KDR: variants seen among roughly 807,000 people sequenced by gnomAD.
KDR encodes vascular endothelial growth factor receptor 2.
A neutral mutation model predicts 160.9 loss-of-function variants in KDR; 43 were observed. That is an observed-to-expected ratio of 0.27 (90% CI 0.21 to 0.34). The LOEUF (loss-of-function observed/expected upper bound fraction) is 0.34. Ranked by LOEUF, KDR falls within the 10% of genes least tolerant of loss-of-function variation. KDR has a pLI of 1.00. For synonymous variants in KDR, 617 were observed against 600.1 expected, an observed-to-expected ratio of 1.03 and a Z score of -0.41; for missense variants, 1,469 against 1,666.4, an observed-to-expected ratio of 0.88 and a Z score of 2.06.
At chr4:55,097,550 C>T in intron 18 of KDR, 112 bp downstream of exon 18, 1 of 731,628 alleles carries the variant, frequency 1.4e-6, no homozygotes, top group South Asian at 1.5e-5. Flanking sequence ...AGGCTGACTG[C>T]ATGTGTGGCT....
intron 11 of KDR, 134 bp from the exon 12 acceptor site, chr4:55,106,074 A>C: frequency 1.3e-6 from 1 of 744,112 alleles, no homozygotes; most frequent in Non-Finnish European, 2.5e-6. Context: ...GGACACGCTC[A>C]AATTTATGCA....
rs1172619388 is a variant in KDR at position 55,079,445 on chromosome 4, TATCA to T, written c.*492_*495del. 3 of 284,382 alleles carry T rather than the reference TATCA, an allele frequency of 1.1e-5. No individual in the cohort carries two copies. The Admixed American group carries it at 1.4e-4, about 13-fold the overall frequency. 17.6% of individuals were successfully genotyped at this position (284,382 alleles called of 1,614,324 possible). A position where few individuals can be genotyped will look rare whatever the true frequency, so the allele number is the denominator to read the frequency against. On this transcript the variant is annotated 3_prime_UTR_variant, in exon 30 of 30. Transcript: ENST00000263923. ...GCAAGGTAACGTTAGTCTTCCTTTC[TATCA>T]ATCCGAATTCCACACTTAAGGCTTG... is the stretch of plus-strand genomic sequence containing the variant.
chr4:55,118,918 T>G, intron 2 of KDR, 118 bp from the exon 3 acceptor site: 1 of 835,602 alleles, frequency 1.2e-6, no homozygotes, highest in Non-Finnish European at 2.0e-6. Flanking sequence ...ACACAGTCAG[T>G]CTTCTACCGG....
intron 12 of KDR, 44 bp downstream of exon 12, chr4:55,105,788 C>A: frequency 8.6e-7 from 1 of 1,163,736 alleles, no homozygotes; most frequent in Non-Finnish European, 1.3e-6. Context: ...TTAGTACCCA[C>A]TGTGTGAGTG....
chr4:55,088,677 T>G (rs1173148263), intron 26 of KDR, among the ~76,000 whole-genome samples, 191 bp downstream of exon 26: 1 of 152,206 alleles, frequency 6.6e-6, no homozygotes, highest in Non-Finnish European at 1.5e-5. Context: ...GGGTTATAAA[T>G]TAGAATCCTA....
At chr4:55,092,463 C>T (rs1713948728) in intron 22 of KDR, 154 bp downstream of exon 22, 2 of 689,252 alleles carry the variant, frequency 2.9e-6, no homozygotes, top group Non-Finnish European at 5.4e-6. Flanking sequence ...TCTTACTCAG[C>T]AGAAACAGAG....
At position 55,078,956 on chromosome 4, in the gene KDR, A is replaced by G. The variant is rs1372519346; in HGVS notation, c.*985T>C. 2 of 233,164 alleles carry G rather than the reference A, an allele frequency of 8.6e-6. No homozygotes were observed. Among genetic ancestry groups the G allele is most frequent in the African/African-American group, 4.4e-5 (2 of 45,332 alleles). The allele number at this position is 233,164 out of a possible 1,614,324, so 14.4% of individuals were successfully genotyped here. On this transcript the variant is annotated 3_prime_UTR_variant, in exon 30 of 30. Coordinates refer to ENST00000263923, the MANE Select transcript of KDR (RefSeq NM_002253.4). ...GGGTTGGGGACAGGGGGAAGAACAAAAGGGTAAAATCCTTCCTGAAACTTT... is the reference window on the plus strand; with the variant it reads ...GGGTTGGGGACAGGGGGAAGAACAAGAGGGTAAAATCCTTCCTGAAACTTT...
chr4:55,123,285 A>G (rs1407753647), intron 1 of KDR, among the ~76,000 whole-genome samples: 1 of 152,230 alleles, frequency 6.6e-6, no homozygotes, highest in Admixed American at 6.5e-5. Context: ...TCACACTGCC[A>G]TCCAAATGAG....
At chr4:55,107,632 AC>A in intron 10 of KDR, 104 bp downstream of exon 10, 2 of 1,443,214 alleles carry the variant, frequency 1.4e-6, no homozygotes, top group East Asian at 4.6e-5. Context: ...TTGAGAGAAA[AC>A]TTTTTTTGGT....
At chr4:55,099,016 T>C (rs1408948209) in intron 15 of KDR, among the ~76,000 whole-genome samples, 1 of 150,696 alleles carries the variant, frequency 6.6e-6, no homozygotes, top group Admixed American at 6.6e-5. Flanking sequence ...TATTTATTTA[T>C]TTATTTATTT....
intron 21 of KDR, among the ~76,000 whole-genome samples, chr4:55,093,795 A>G (rs901428657): frequency 1.3e-5 from 2 of 152,168 alleles, no homozygotes; most frequent in Admixed American, 1.3e-4. Context: ...CTCTACATCC[A>G]CAACGCTATC....
chr4:55,079,866 G>T lies in KDR; in HGVS notation c.*75C>A. ...CAAATGCGGCTACTTCCTGCTGGTG[G>T]AAAGAACAACACTTGAAAATCTGAG... On this transcript the variant is annotated 3_prime_UTR_variant, in exon 30 of 30. Transcript: ENST00000263923. 7.5e-7 allele frequency: 1 copy of T among 1,330,414 alleles called. No individual in the cohort carries two copies. The highest frequency in any genetic ancestry group is 1.1e-6 in the Non-Finnish European group (1 of 922,438). 82.4% of individuals were successfully genotyped at this position (1,330,414 alleles called of 1,614,324 possible). A position where few individuals can be genotyped will look rare whatever the true frequency, so the allele number is the denominator to read the frequency against.
intron 22 of KDR, among the ~76,000 whole-genome samples, chr4:55,091,856 C>T (rs957524759): frequency 2.0e-5 from 3 of 152,108 alleles, no homozygotes; most frequent in Non-Finnish European, 4.4e-5. Context: ...CAGCCTTGCT[C>T]CCCGCTTGGT....
intron 13 of KDR, 56 bp from the exon 14 acceptor site, chr4:55,102,564 C>A (rs775883400): frequency 6.3e-7 from 1 of 1,589,196 alleles, no homozygotes; most frequent in East Asian, 2.2e-5. Context: ...TGAAATGGTT[C>A]TGGTATCAGC....
At position 55,121,165 on chromosome 4, in the gene KDR, C is replaced by A. The variant is rs745352790; in HGVS notation, c.93G>T (p.Leu31=). The A allele has an allele frequency of 9.9e-6, 16 of 1,613,454 alleles. No individual in the cohort carries two copies. The highest frequency in any genetic ancestry group is 3.3e-5 in the Admixed American group (2 of 59,984). Residue 31 remains leucine, a synonymous_variant, in exon 2 of 30, where the codon CTG becomes CTT. Transcript: ENST00000263923. ...TGTCTTTTTGTATGCTGAGCCTGGG[C>A]AGATCAAGAGAAACACTAGGCAAAC... is the stretch of plus-strand genomic sequence containing the variant. ...SVGLPSVSLD[L]PRLSIQKDIL... is the part of the protein sequence containing the mutation.
chr4:55,098,002 A>G, intron 17 of KDR, 135 bp downstream of exon 17: 2 of 1,235,724 alleles, frequency 1.6e-6, no homozygotes, highest in Non-Finnish European at 2.3e-6. Context: ...GAATGATTAT[A>G]CAAATTCAAG....
At chr4:55,095,704 C>T (rs751978368) in intron 19 of KDR, 39 bp from the exon 20 acceptor site, 2 of 1,412,810 alleles carry the variant, frequency 1.4e-6, no homozygotes, top group Non-Finnish European at 2.0e-6. Flanking sequence ...TGGGTTTTCA[C>T]TCATATTCCT....
chr4:55,104,049 G>A (rs1720377046), intron 13 of KDR, among the ~76,000 whole-genome samples: 2 of 152,142 alleles, frequency 1.3e-5, no homozygotes, highest in Admixed American at 6.5e-5. Flanking sequence ...ATGACCCAGA[G>A]GTACAGACAG....
At position 55,118,685 on chromosome 4, in the gene KDR, C is replaced by A; in HGVS notation, c.277G>T (p.Val93Leu). ...TAGGCTCCAGTGTCATTTCCGATCA[C>A]TTTTGGAATTGTGAGTGTCTTACAG... is the stretch of plus-strand genomic sequence containing the variant. Reference protein sequence around the residue: ...LFCKTLTIPKVIGNDTGAYKC... With the variant: ...LFCKTLTIPKLIGNDTGAYKC... Residue 93 changes from valine to leucine, a missense_variant, in exon 3 of 30, where the codon GTG becomes TTG. Val to Leu is a conservative substitution (Grantham distance 32). This residue lies in a region of KDR where 792 missense variants were observed against 840.9 expected (regional missense o/e 0.94). Transcript: ENST00000263923. 6.2e-7 allele frequency: 1 copy of A among 1,614,168 alleles called. No individual in the cohort carries two copies. The highest frequency in any genetic ancestry group is 8.5e-7 in the Non-Finnish European group (1 of 1,180,008).
Sources: gnomAD v4.1 joint callset for allele counts (sites outside exome capture counted in the v4.1 genomes callset) on GRCh38, gnomAD v4.1.1 for gene constraint, gnomAD v4.1.1 regional missense constraint, MANE v1.5 for transcripts, NCBI Gene and HGNC (gene_info 2026-07-23, HGNC 2026-07-21) for gene names.